The following DNAH11 variants were observed in gnomAD, a reference collection of about 807,000 sequenced individuals.
The protein encoded by DNAH11 is dynein axonemal heavy chain 11, also known as axonemal beta dynein heavy chain 11.
In DNAH11, 442 loss-of-function variants were observed where a neutral mutation model predicts 526.0. The ratio of observed to expected loss-of-function variants is 0.84; its 90% confidence interval spans 0.78 to 0.91. The LOEUF is 0.91. Among genes scored for constraint, DNAH11 ranks in the 40% least tolerant of loss-of-function variants. DNAH11 has a pLI of 0.00. For missense variants in DNAH11, 6,989 were observed against 5,448.7 expected, an observed-to-expected ratio of 1.28 and a Z score of -8.90; for synonymous variants, 2,461 against 1,935.9, an observed-to-expected ratio of 1.27 and a Z score of -7.12.
chr7:21,690,991 C>G, intron 35 of DNAH11, 110 bp downstream of exon 35: 2 of 761,370 alleles, frequency 2.6e-6, no homozygotes, highest in South Asian at 1.8e-5. Context: ...AAGGAAAATC[C>G]TATATGATTT....
At position 21,543,090 on chromosome 7, in the gene DNAH11, G is replaced by A. The variant is rs1412316598; in HGVS notation, c.-156G>A. Reference sequence around the variant, plus strand: ...AGGCTACAGCTGTGCGCAGTGGCGCGGCTGCTAAGTAGCAGCAGGTGGGAG... The same window carrying A: ...AGGCTACAGCTGTGCGCAGTGGCGCAGCTGCTAAGTAGCAGCAGGTGGGAG... On this transcript the variant is annotated 5_prime_UTR_variant, in exon 1 of 82. Transcript: ENST00000409508. 13 of 1,390,690 alleles carry A rather than the reference G, an allele frequency of 9.3e-6. No individual in the cohort carries two copies. Among genetic ancestry groups the A allele is most frequent in the South Asian group, 3.3e-5 (2 of 61,152 alleles). The allele number at this position is 1,390,690 out of a possible 1,614,324, so 86.1% of individuals were successfully genotyped here.
intron 27 of DNAH11, among the ~76,000 whole-genome samples, chr7:21,638,694 G>GAA (rs1786979725): frequency 1.3e-4 from 1 of 7,806 alleles, no homozygotes; most frequent in Non-Finnish European, 1.2e-3. Flanking sequence ...CTAATGGGGT[G>GAA]TGTGTGTGTG....
chr7:21,809,465 A>T (rs1023002632), intron 63 of DNAH11, among the ~76,000 whole-genome samples: 1 of 151,852 alleles, frequency 6.6e-6, no homozygotes, highest in African/African-American at 2.4e-5. Flanking sequence ...CATTTTCCCA[A>T]TTTTTCCTAT....
intron 45 of DNAH11, among the ~76,000 whole-genome samples, chr7:21,727,180 A>G (rs956642109): frequency 1.1e-4 from 17 of 151,872 alleles, no homozygotes; most frequent in East Asian, 5.9e-4. Flanking sequence ...TGATCCGCCC[A>G]CCTCGGCCTC....
At position 21,871,735 on chromosome 7, in the gene DNAH11, G is replaced by T. The variant is rs557284388; in HGVS notation, c.11968-1539G>T. Among the ~76,000 whole-genome samples, 4 of 152,188 alleles carry T rather than the reference G, an allele frequency of 2.6e-5. No individual in the cohort carries two copies. In the East Asian group the frequency reaches 7.7e-4, roughly 29 times the overall value. On this transcript the variant is annotated intron_variant, in intron 73 of 81. Transcript: ENST00000409508. ...CCTACTGTATTACTTTGCTAGAGTG[G>T]ACGGCCAACTTTCCGTGTCTTCATG...
Position 21,901,121 on chromosome 7 carries a change from A to G in DNAH11, c.13418A>G (p.Lys4473Arg), listed in dbSNP as rs755601215. ...KATPVDRQET[K>R]QTYECPVYRT... is the part of the protein sequence containing the mutation. ...ACCCCCGTGGACAGACAAGAAACCA[A>G]ACAGACCTACGAGTGCCCTGTGTAT... The change falls in exon 82 of 82, where the codon AAA becomes AGA. Residue 4473 changes from lysine to arginine, a missense_variant. By Grantham distance (26) the Lys-to-Arg change is conservative. Coordinates refer to ENST00000409508, the MANE Select transcript of DNAH11 (RefSeq NM_001277115.2). The G allele has an allele frequency of 2.5e-6, 4 of 1,613,136 alleles. No individual in the cohort carries two copies. Among genetic ancestry groups the G allele is most frequent in the Non-Finnish European group, 3.4e-6 (4 of 1,179,418 alleles).
At chr7:21,874,561 C>G (rs1409626645) in intron 74 of DNAH11, among the ~76,000 whole-genome samples, 1 of 152,104 alleles carries the variant, frequency 6.6e-6, no homozygotes, top group Non-Finnish European at 1.5e-5. Context: ...GTCTCGAACT[C>G]CTGACCTCAG....
In DNAH11 at chr7:21,687,576, T is replaced by G. The variant is rs761102005; in HGVS notation, c.5924+49T>G. ...TTGTTACAAATAGAAAAACATGGAA[T>G]AATGCAGGTAACCTCCCCTTCACTG... is the stretch of plus-strand genomic sequence containing the variant. On this transcript the variant is annotated intron_variant, in intron 34 of 81. Coordinates refer to ENST00000409508, the MANE Select transcript of DNAH11 (RefSeq NM_001277115.2). 3 of 1,579,954 alleles carry G rather than the reference T, an allele frequency of 1.9e-6. No individual in the cohort carries two copies. In the African/African-American group the frequency reaches 4.0e-5, roughly 21 times the overall value.
intron 57 of DNAH11, among the ~76,000 whole-genome samples, chr7:21,782,675 G>C (rs1284789028): frequency 6.6e-6 from 1 of 152,152 alleles, no homozygotes; most frequent in Non-Finnish European, 1.5e-5. Flanking sequence ...ACTTTGAGAG[G>C]CTGAAGCAGG....
At chr7:21,724,731 A>C (rs1336807193) in intron 44 of DNAH11, among the ~76,000 whole-genome samples, 1 of 149,952 alleles carries the variant, frequency 6.7e-6, no homozygotes. Flanking sequence ...AGGTCATCCT[A>C]TGAATATAAG....
At position 21,900,728 on chromosome 7, in the gene DNAH11, C is replaced by T. The variant is rs777967242; in HGVS notation, c.13304-279C>T. Among the ~76,000 whole-genome samples, 3 of 143,894 alleles carry T rather than the reference C, an allele frequency of 2.1e-5. No homozygotes were observed. The South Asian group carries it at 6.7e-4, about 32-fold the overall frequency. The allele number at this position is 143,894 out of a possible 152,430, so 94.4% of individuals were successfully genotyped here. ...TTTTTAAAGGGAGGGCAAACTAGTT[C>T]AGTGTATGTGAATTCTCTTAGAATC... On this transcript the variant is annotated intron_variant, in intron 81 of 81. Transcript: ENST00000409508.
rs377631258 is a variant in DNAH11, at chr7:21,786,726, A to G, written c.9700A>G (p.Lys3234Glu). 6.2e-6 allele frequency: 10 copies of G among 1,613,862 alleles called. No homozygotes were observed. Among genetic ancestry groups the G allele is most frequent in the Non-Finnish European group, 2.5e-6 (3 of 1,179,754 alleles). The part of the protein sequence containing the change: ...VLLAPRGRVP[K>E]DRSWKAAKVF... ...TCTGGCTCCTCGGGGAAGAGTGCCC[A>G]AAGACCGAAGTTGGAAAGCAGCTAA... Residue 3234 changes from lysine to glutamate, a missense_variant, in exon 59 of 82, where the codon AAA (lysine) becomes GAA (glutamate). By Grantham distance (56) the Lys-to-Glu change is moderately conservative. Transcript: ENST00000409508.
chr7:21,594,882 A>C (rs1242026960), intron 14 of DNAH11, among the ~76,000 whole-genome samples: 1 of 152,064 alleles, frequency 6.6e-6, no homozygotes, highest in Non-Finnish European at 1.5e-5. Flanking sequence ...AGGTATGTGA[A>C]AGACACTGCA....
chr7:21,763,696 C>G (rs1787033358), intron 54 of DNAH11, among the ~76,000 whole-genome samples: 1 of 150,858 alleles, frequency 6.6e-6, no homozygotes, highest in Non-Finnish European at 1.5e-5. Context: ...GAAGAGATAT[C>G]TACACTTTCA....
intron 28 of DNAH11, 31 bp downstream of exon 28, chr7:21,639,096 A>T (rs1359208101): frequency 3.8e-6 from 6 of 1,596,768 alleles, no homozygotes; most frequent in Non-Finnish European, 5.1e-6. Context: ...CTCGTATTAT[A>T]CTGTGTTAGC....
intron 55 of DNAH11, among the ~76,000 whole-genome samples, chr7:21,765,828 A>G (rs907470618): frequency 1.3e-5 from 2 of 152,234 alleles, no homozygotes; most frequent in Admixed American, 1.3e-4. Flanking sequence ...ACGTGCGTGA[A>G]CACGGGCACG....
intron 61 of DNAH11, among the ~76,000 whole-genome samples, chr7:21,790,302 T>C (rs1259868577): frequency 1.3e-5 from 2 of 151,902 alleles, no homozygotes; most frequent in Non-Finnish European, 2.9e-5. Context: ...AAAAGAAATT[T>C]AGCCGGGCGT....
chr7:21,814,030 T>C (rs77703640), intron 63 of DNAH11, among the ~76,000 whole-genome samples: 3,049 of 152,372 alleles, frequency 0.02, 105 homozygotes, highest in African/African-American at 0.069. Context: ...CTACATGGCA[T>C]AGCCTATTGC....
chr7:21,718,299 A>G (rs115859348), intron 43 of DNAH11, among the ~76,000 whole-genome samples: 2,036 of 152,266 alleles, frequency 0.013, 43 homozygotes, highest in African/African-American at 0.047. Flanking sequence ...TAGAAGAACA[A>G]AGTTGCAATA....
Sources: gnomAD v4.1 joint callset for allele counts (sites outside exome capture counted in the v4.1 genomes callset) on GRCh38, gnomAD v4.1.1 for gene constraint, MANE v1.5 for transcripts, NCBI Gene and HGNC (gene_info 2026-07-23, HGNC 2026-07-21) for gene names.